Variants in AK5 observed in about 807,000 individuals in gnomAD.
The protein encoded by AK5 is adenylate kinase 5, also known as adenylate kinase isoenzyme 5.
A neutral mutation model predicts 69.5 loss-of-function variants in AK5; 27 were observed. The observed-to-expected ratio is 0.39, with a 90% CI of 0.29 to 0.54. AK5 has a LOEUF of 0.54. Ranked by LOEUF, AK5 falls within the 20% of genes least tolerant of loss-of-function variation. The pLI is 0.71. For missense variants in AK5, 531 were observed against 700.4 expected (o/e 0.76, Z 2.73); for synonymous variants, 260 against 244.4 (o/e 1.06, Z -0.60).
intron 5 of AK5, among the ~76,000 whole-genome samples, chr1:77,319,888 G>A (rs1660435939): frequency 6.6e-6 from 1 of 152,198 alleles, no homozygotes; most frequent in Non-Finnish European, 1.5e-5. Context: ...CCCACGTTAT[G>A]AGAAAAATGT....
intron 5 of AK5, among the ~76,000 whole-genome samples, chr1:77,336,104 A>G (rs1339722128): frequency 3.2e-5 from 4 of 125,618 alleles, no homozygotes; most frequent in Admixed American, 8.9e-5. Context: ...TTTTTTTGAG[A>G]TGGAGTCTCA....
At chr1:77,288,408 G>A (rs1029160885) in intron 2 of AK5, among the ~76,000 whole-genome samples, 2 of 151,998 alleles carry the variant, frequency 1.3e-5, no homozygotes, top group East Asian at 3.9e-4. Flanking sequence ...ACAACAAAAG[G>A]TTTATGCTAT....
At chr1:77,443,677 C>CTG (rs71244408) in intron 8 of AK5, among the ~76,000 whole-genome samples, 48,897 of 133,692 alleles carry the variant, frequency 0.37, 8,782 homozygotes, top group Non-Finnish European at 0.39. Flanking sequence ...TGTGGGGAGT[C>CTG]TGTGTGTGTG....
chr1:77,329,107 A>C (rs999466351), intron 5 of AK5, among the ~76,000 whole-genome samples: 1 of 152,044 alleles, frequency 6.6e-6, no homozygotes, highest in African/African-American at 2.4e-5. Context: ...GGACATACTC[A>C]AACAATAACA....
chr1:77,411,400 A>G (rs1650035711), intron 7 of AK5, among the ~76,000 whole-genome samples: 1 of 151,864 alleles, frequency 6.6e-6, no homozygotes, highest in Non-Finnish European at 1.5e-5. Flanking sequence ...TATCTCCAGG[A>G]CCCCCTAACT....
chr1:77,294,120 T>A (rs1253768137), intron 3 of AK5, among the ~76,000 whole-genome samples, 160 bp downstream of exon 3: 1 of 152,208 alleles, frequency 6.6e-6, no homozygotes, highest in Admixed American at 6.5e-5. Context: ...TTAGTATAAG[T>A]TTCAATAAAA....
chr1:77,545,940 T>C (rs575538712), intron 13 of AK5, among the ~76,000 whole-genome samples: 21 of 152,326 alleles, frequency 1.4e-4, no homozygotes, highest in African/African-American at 4.8e-4. Context: ...AAATGAAGCA[T>C]AAGTCTTCCA....
At chr1:77,512,537 CTT>C (rs61162386) in intron 10 of AK5, among the ~76,000 whole-genome samples, 6 of 151,438 alleles carry the variant, frequency 4.0e-5, no homozygotes, top group East Asian at 1.9e-4. Context: ...ATTTCAGAGA[CTT>C]TTTTTTTATT....
intron 8 of AK5, among the ~76,000 whole-genome samples, chr1:77,432,659 G>C (rs1283125741): frequency 1.3e-5 from 2 of 152,124 alleles, no homozygotes; most frequent in Non-Finnish European, 2.9e-5. Flanking sequence ...GTTACTGTGT[G>C]ACCCATTTAA....
intron 10 of AK5, among the ~76,000 whole-genome samples, chr1:77,507,176 C>T (rs573217236): frequency 6.6e-5 from 10 of 152,172 alleles, no homozygotes; most frequent in South Asian, 6.2e-4. Flanking sequence ...GGCCACCTGA[C>T]GGGGCCATGA....
chr1:77,480,311 T>C (rs1355994255), intron 8 of AK5, among the ~76,000 whole-genome samples: 1 of 152,216 alleles, frequency 6.6e-6, no homozygotes, highest in Non-Finnish European at 1.5e-5. Flanking sequence ...GACAGTTGCA[T>C]CTATGTCCCA....
At chr1:77,283,467 G>A (rs1376189520) in intron 1 of AK5, 2 of 985,234 alleles carry the variant, frequency 2.0e-6, no homozygotes, top group East Asian at 2.3e-4. Context: ...TCTGTTAAAA[G>A]GAATTTTAAA....
chr1:77,467,637 TTA>T (rs1230649006), intron 8 of AK5, among the ~76,000 whole-genome samples: 2 of 152,350 alleles, frequency 1.3e-5, no homozygotes, highest in East Asian at 3.9e-4. Context: ...TTACTCCTCT[TTA>T]AGGCTTTTAA....
chr1:77,303,500 C>G (rs1182946878), intron 5 of AK5, among the ~76,000 whole-genome samples: 1 of 152,216 alleles, frequency 6.6e-6, no homozygotes, highest in East Asian at 1.9e-4. Flanking sequence ...TTGCAAATCT[C>G]TTTAACTTCT....
rs1445378487 is a variant in AK5, at chr1:77,340,409, T to A, written c.732T>A (p.Ala244=). The A allele has an allele frequency of 6.2e-7, 1 of 1,614,052 alleles. No homozygotes were observed. Among genetic ancestry groups the A allele is most frequent in the South Asian group, 1.1e-5 (1 of 91,066 alleles). The change falls in exon 6 of 14, where the codon GCT becomes GCA. Residue 244 remains alanine, a synonymous_variant. Transcript: ENST00000354567. The part of the protein sequence containing the change: ...ICTPDLVVFL[A]CANQRLKERL... ...CCCCCGATTTGGTGGTATTCCTGGC[T>A]TGTGCTAATCAGAGACTCAAAGAAA...
At position 77,410,994 on chromosome 1, in the gene AK5, G is replaced by A. The variant is rs529896590; in HGVS notation, c.905G>A (p.Arg302His). The A allele has an allele frequency of 1.2e-6, 2 of 1,613,724 alleles. No homozygotes were observed. The highest frequency in any genetic ancestry group is 8.5e-7 in the Non-Finnish European group (1 of 1,179,858). Residue 302 changes from arginine to histidine, a missense_variant, in exon 7 of 14, where the codon CGC becomes CAC. Transcript: ENST00000354567. ...GATTTCCCCCAGTTTGATGCCGACC[G>A]CGATGAGGATGAGGTGTTCTATGAC... ...KGLIMTFDAD[R>H]DEDEVFYDIS...
chr1:77,445,684 A>C (rs992305599), intron 8 of AK5, among the ~76,000 whole-genome samples: 1 of 152,198 alleles, frequency 6.6e-6, no homozygotes, highest in East Asian at 1.9e-4. Flanking sequence ...TCCCAGGTTC[A>C]AGCGATTCTC....
intron 5 of AK5, among the ~76,000 whole-genome samples, chr1:77,298,198 A>G (rs1659120477): frequency 6.6e-6 from 1 of 152,138 alleles, no homozygotes; most frequent in Non-Finnish European, 1.5e-5. Flanking sequence ...AAATCTCTCT[A>G]AAATTTATTT....
At chr1:77,499,408 C>G (rs111442490) in intron 10 of AK5, among the ~76,000 whole-genome samples, 3 of 152,312 alleles carry the variant, frequency 2.0e-5, no homozygotes, top group African/African-American at 7.2e-5. Context: ...CCTCCTGGTT[C>G]TGCCAGGCTG....
Sources: allele counts gnomAD v4.1 joint callset (sites outside exome capture counted in the v4.1 genomes callset), GRCh38; gene constraint gnomAD v4.1.1; transcripts MANE v1.5; gene names NCBI Gene and HGNC (gene_info 2026-07-23, HGNC 2026-07-21).